TEAD1: variants seen among roughly 807,000 people sequenced by gnomAD.
TEAD1 encodes the protein transcriptional enhancer factor TEF-1.
TEAD1 carries 9 observed loss-of-function variants against 54.9 expected under a neutral mutation model. The ratio of observed to expected loss-of-function variants is 0.16; its 90% CI spans 0.10 to 0.29. The LOEUF is 0.29. TEAD1 is among the 10% of genes least tolerant of loss of function. The pLI is 1.00. For missense variants in TEAD1, 387 were observed against 535.9 expected (o/e 0.72, Z 2.74); for synonymous variants, 200 against 187.8 (o/e 1.07, Z -0.53).
intron 3 of TEAD1, among the ~76,000 whole-genome samples, chr11:12,852,639 G>A (rs1423130536): frequency 2.0e-5 from 3 of 151,976 alleles, no homozygotes; most frequent in East Asian, 3.9e-4. Context: ...GTAGAGACGG[G>A]GTTTCACCAT....
intron 3 of TEAD1, among the ~76,000 whole-genome samples, chr11:12,811,797 G>T (rs1173798712): frequency 6.7e-6 from 1 of 148,518 alleles, no homozygotes; most frequent in Non-Finnish European, 1.5e-5. Flanking sequence ...TGAGGATCCC[G>T]GGATGGGGGT....
chr11:12,930,250 A>G lies in TEAD1; in HGVS notation c.1091A>G (p.Asn364Ser), dbSNP rs1383043382. ...TCCCCAATGTGTGAATATATGATCA[A>G]CTTCATCCACAAGCTCAAACACTTA... Residue 364 changes from asparagine to serine, a missense_variant, in exon 12 of 13, where the codon AAC becomes AGC. Transcript: ENST00000527636. 1.9e-6 allele frequency: 3 copies of G among 1,614,226 alleles called. No homozygotes were observed. Among genetic ancestry groups the G allele is most frequent in the Non-Finnish European group, 1.7e-6 (2 of 1,180,028 alleles).
intron 5 of TEAD1, among the ~76,000 whole-genome samples, chr11:12,873,796 A>G (rs998040491): frequency 6.6e-6 from 1 of 152,244 alleles, no homozygotes; most frequent in Non-Finnish European, 1.5e-5. Flanking sequence ...TATGGCTAAT[A>G]ATTGCAGAGG....
chr11:12,914,757 G>A (rs1948680208), intron 10 of TEAD1, among the ~76,000 whole-genome samples: 2 of 152,264 alleles, frequency 1.3e-5, no homozygotes, highest in South Asian at 4.1e-4. Context: ...CCCAGGCCCA[G>A]TGCAGAGCGA....
chr11:12,724,724 G>A (rs1381632221), intron 2 of TEAD1, among the ~76,000 whole-genome samples: 1 of 152,216 alleles, frequency 6.6e-6, no homozygotes, highest in African/African-American at 2.4e-5. Flanking sequence ...AGAACCTCCT[G>A]CTCAGTGGGG....
intron 2 of TEAD1, among the ~76,000 whole-genome samples, chr11:12,723,331 G>A (rs1244081805): frequency 6.6e-6 from 1 of 152,102 alleles, no homozygotes; most frequent in Non-Finnish European, 1.5e-5. Context: ...ATTTTACTTA[G>A]TATTTTTGTT....
chr11:12,747,330 ATTTTTGT>A (rs1214108479), intron 2 of TEAD1, among the ~76,000 whole-genome samples: 4 of 151,894 alleles, frequency 2.6e-5, no homozygotes, highest in Admixed American at 6.6e-5. Context: ...AATTTTTAAA[ATTTTTGT>A]TTTTTATTTA....
intron 2 of TEAD1, among the ~76,000 whole-genome samples, chr11:12,708,746 C>G (rs1198680738): frequency 5.9e-5 from 9 of 152,186 alleles, no homozygotes; most frequent in Admixed American, 1.3e-4. Flanking sequence ...TAAAACCATA[C>G]AGTGGAATAT....
intron 2 of TEAD1, among the ~76,000 whole-genome samples, chr11:12,686,854 A>G (rs1321190994): frequency 6.6e-6 from 1 of 152,236 alleles, no homozygotes; most frequent in African/African-American, 2.4e-5. Flanking sequence ...ACCACTGTTT[A>G]GTTATTTTGT....
intron 3 of TEAD1, among the ~76,000 whole-genome samples, chr11:12,793,896 A>G (rs1945859517): frequency 6.6e-6 from 1 of 152,242 alleles, no homozygotes; most frequent in South Asian, 2.1e-4. Flanking sequence ...GGGAGAAGTC[A>G]GAGCATGGGA....
intron 3 of TEAD1, among the ~76,000 whole-genome samples, chr11:12,847,574 G>A (rs1042228654): frequency 2.0e-5 from 3 of 152,166 alleles, no homozygotes; most frequent in Non-Finnish European, 4.4e-5. Flanking sequence ...AGAGACAGAA[G>A]TGTGTGTAGA....
At chr11:12,704,254 A>T (rs1042528258) in intron 2 of TEAD1, among the ~76,000 whole-genome samples, 2 of 152,078 alleles carry the variant, frequency 1.3e-5, no homozygotes, top group Non-Finnish European at 2.9e-5. Context: ...TGGTATGTGA[A>T]ATTTGCCGGA....
At position 12,908,883 on chromosome 11, in the gene TEAD1, G is replaced by GTTTTTTTTTTTTTTTTTTT. The variant is rs60042137; in HGVS notation, c.873+6783_873+6784insTTTTTTTTTTTTTTTTTTT. Reference sequence around the variant, plus strand: ...TATGTCAGTATACTTCAAATTATCTGTTTTTTTTTTTTTGAGACAGTGTTG... The same window carrying GTTTTTTTTTTTTTTTTTTT: ...TATGTCAGTATACTTCAAATTATCTGTTTTTTTTTTTTTTTTTTTTTTTTTTTTTTTTGAGACAGTGTTG... On this transcript the variant is annotated intron_variant, in intron 10 of 12. Coordinates refer to ENST00000527636, the MANE Select transcript of TEAD1 (RefSeq NM_021961.6). Among the ~76,000 whole-genome samples, 74 of 99,646 alleles carry GTTTTTTTTTTTTTTTTTTT rather than the reference G, an allele frequency of 7.4e-4. 5 individuals are homozygous for GTTTTTTTTTTTTTTTTTTT. Among genetic ancestry groups the GTTTTTTTTTTTTTTTTTTT allele is most frequent in the African/African-American group, 2.2e-3 (68 of 31,364 alleles). 65.4% of individuals were successfully genotyped at this position (99,646 alleles called of 152,430 possible).
At chr11:12,792,703 T>C (rs910963060) in intron 3 of TEAD1, among the ~76,000 whole-genome samples, 2 of 152,176 alleles carry the variant, frequency 1.3e-5, no homozygotes, top group African/African-American at 4.8e-5. Flanking sequence ...CTATGAGGAT[T>C]ACATGAGATA....
At chr11:12,679,691 G>C (rs903491109) in intron 2 of TEAD1, among the ~76,000 whole-genome samples, 7 of 151,650 alleles carry the variant, frequency 4.6e-5, no homozygotes, top group Non-Finnish European at 1.0e-4. Context: ...TCATAATTCA[G>C]TTCAGCTCTG....
At chr11:12,798,176 GC>G (rs1437269825) in intron 3 of TEAD1, among the ~76,000 whole-genome samples, 5 of 151,964 alleles carry the variant, frequency 3.3e-5, no homozygotes, top group South Asian at 2.1e-4. Context: ...TCTGTGGTTG[GC>G]CCCCGTTGCT....
chr11:12,930,106 A>G, intron 11 of TEAD1, 68 bp from the exon 12 acceptor site: 1 of 1,583,364 alleles, frequency 6.3e-7, no homozygotes, highest in Non-Finnish European at 8.7e-7. Flanking sequence ...TTTTATGGGC[A>G]GTAATATCTG....
chr11:12,925,480 G>A (rs1388599516), intron 11 of TEAD1, among the ~76,000 whole-genome samples: 4 of 152,310 alleles, frequency 2.6e-5, no homozygotes, highest in African/African-American at 7.2e-5. Flanking sequence ...TGGGGATTAC[G>A]ATTCGAGTTG....
intron 2 of TEAD1, among the ~76,000 whole-genome samples, chr11:12,725,127 AGTG>A (rs1363269223): frequency 3.9e-5 from 6 of 152,156 alleles, no homozygotes; most frequent in Non-Finnish European, 8.8e-5. Flanking sequence ...GGCCCTTTAC[AGTG>A]TGTAAGGCTT....
Sources: gnomAD v4.1 joint callset for allele counts (sites outside exome capture counted in the v4.1 genomes callset) on GRCh38, gnomAD v4.1.1 for gene constraint, MANE v1.5 for transcripts, NCBI Gene and HGNC (gene_info 2026-07-23, HGNC 2026-07-21) for gene names.